Variants in LRMDA observed in about 807,000 individuals in gnomAD.
LRMDA encodes leucine rich melanocyte differentiation associated.
A neutral mutation model predicts 29.8 loss-of-function variants in LRMDA; 18 were observed. The ratio of observed to expected loss-of-function variants is 0.60; its 90% confidence interval spans 0.42 to 0.90. LRMDA has a LOEUF of 0.90. LRMDA is among the 40% of genes least tolerant of loss of function. The probability of loss-of-function intolerance (pLI) is 0.00; values close to 1 mark genes in which losing one functional copy is unlikely to be tolerated. For missense variants in LRMDA, 273 were observed against 273.9 expected (o/e 1.00, Z 0.02); for synonymous variants, 125 against 109.4 (o/e 1.14, Z -0.89).
chr10:76,061,880 A>T (rs940428238), intron 5 of LRMDA, among the ~76,000 whole-genome samples: 1 of 152,320 alleles, frequency 6.6e-6, no homozygotes. Context: ...ATTTTCAGAG[A>T]TAGGCAGTGG....
intron 2 of LRMDA, among the ~76,000 whole-genome samples, chr10:75,648,533 G>A (rs956373438): frequency 6.6e-6 from 1 of 152,088 alleles, no homozygotes; most frequent in Admixed American, 6.5e-5. Flanking sequence ...TATGGACCAC[G>A]TGGGCCTGGG....
intron 3 of LRMDA, among the ~76,000 whole-genome samples, chr10:76,043,946 C>T (rs773835878): frequency 6.6e-6 from 1 of 152,196 alleles, no homozygotes; most frequent in Non-Finnish European, 1.5e-5. Context: ...TTTCCATCTG[C>T]AGTAGAGAGG....
chr10:75,592,312 G>A (rs1479656817), intron 2 of LRMDA, among the ~76,000 whole-genome samples: 1 of 152,176 alleles, frequency 6.6e-6, no homozygotes, highest in East Asian at 1.9e-4. Context: ...TACCCTAGAC[G>A]CGTGGCGCTT....
At chr10:75,919,609 TCA>T (rs1845994336) in intron 2 of LRMDA, among the ~76,000 whole-genome samples, 3 of 152,118 alleles carry the variant, frequency 2.0e-5, no homozygotes, top group Admixed American at 2.0e-4. Flanking sequence ...CCAAGGAATC[TCA>T]GTTAGGGAGG....
At chr10:76,507,430 G>A (rs539344411) in intron 6 of LRMDA, among the ~76,000 whole-genome samples, 1 of 151,324 alleles carries the variant, frequency 6.6e-6, no homozygotes, top group African/African-American at 2.4e-5. Flanking sequence ...TTTGTTTTTT[G>A]CTATGCAAAA....
intron 6 of LRMDA, among the ~76,000 whole-genome samples, chr10:76,352,352 C>T (rs1287808673): frequency 6.6e-6 from 1 of 152,086 alleles, no homozygotes; most frequent in African/African-American, 2.4e-5. Context: ...ATTCCAGCAT[C>T]ACTACGCTTG....
chr10:75,714,756 G>A (rs551761467), intron 2 of LRMDA, among the ~76,000 whole-genome samples: 1 of 151,696 alleles, frequency 6.6e-6, no homozygotes, highest in South Asian at 2.1e-4. Context: ...TTTTAATTAT[G>A]AGGGTTACAT....
chr10:75,576,741 G>A (rs781014935), intron 2 of LRMDA, among the ~76,000 whole-genome samples: 8 of 152,176 alleles, frequency 5.3e-5, no homozygotes, highest in Non-Finnish European at 1.2e-4. Flanking sequence ...TGATACCCAG[G>A]CAAACAGGGT....
At chr10:75,810,511 T>C (rs1360825375) in intron 2 of LRMDA, among the ~76,000 whole-genome samples, 1 of 152,184 alleles carries the variant, frequency 6.6e-6, no homozygotes, top group African/African-American at 2.4e-5. Context: ...ACATCTAGAT[T>C]CTGGCTTTGA....
intron 2 of LRMDA, among the ~76,000 whole-genome samples, chr10:75,754,507 T>A (rs181885688): frequency 5.9e-5 from 9 of 152,246 alleles, no homozygotes; most frequent in Non-Finnish European, 2.9e-5. Context: ...ATCTGAAAAA[T>A]TGAATACATT....
intron 5 of LRMDA, among the ~76,000 whole-genome samples, chr10:76,223,120 G>A (rs1385159217): frequency 4.0e-5 from 6 of 151,438 alleles, no homozygotes; most frequent in African/African-American, 1.5e-4. Context: ...CTGTTGTGGG[G>A]TGGGGGGAGT....
chr10:75,589,615 T>A (rs1435260361), intron 2 of LRMDA, among the ~76,000 whole-genome samples: 1 of 152,054 alleles, frequency 6.6e-6, no homozygotes, highest in African/African-American at 2.4e-5. Flanking sequence ...AAAACAAAAA[T>A]TAGCTGTGAG....
intron 2 of LRMDA, among the ~76,000 whole-genome samples, chr10:75,467,598 A>G (rs191990947): frequency 6.6e-6 from 1 of 152,200 alleles, no homozygotes; most frequent in East Asian, 1.9e-4. Flanking sequence ...ATCTAAAGTG[A>G]TGGGTTCCTG....
At chr10:75,918,812 C>T (rs370390451) in intron 2 of LRMDA, among the ~76,000 whole-genome samples, 20 of 152,256 alleles carry the variant, frequency 1.3e-4, no homozygotes, top group South Asian at 1.0e-3. Flanking sequence ...GAACCTGCCC[C>T]ATTCTTGCCT....
Position 75,562,378 on chromosome 10 carries a change from T to G in LRMDA, c.131+123884T>G, listed in dbSNP as rs9416069. Among the ~76,000 whole-genome samples, 12 of 151,434 alleles carry G rather than the reference T, an allele frequency of 7.9e-5. No homozygotes were observed. In the East Asian group the frequency reaches 9.8e-4, roughly 12 times the overall value. ...CCCCTGCCTTTTTTTGTTTTCCATT[T>G]GCTTGGTAGATCTTCCTCCATCCTT... is the stretch of plus-strand genomic sequence containing the variant. On this transcript the variant is annotated intron_variant, in intron 2 of 6. Coordinates refer to ENST00000611255, the MANE Select transcript of LRMDA (RefSeq NM_001305581.2).
intron 2 of LRMDA, among the ~76,000 whole-genome samples, chr10:75,562,628 T>C (rs1840313706): frequency 6.6e-6 from 1 of 152,164 alleles, no homozygotes; most frequent in African/African-American, 2.4e-5. Context: ...CTAGCCTCGA[T>C]GGTCTTTACA....
chr10:75,653,728 CT>C (rs1366967181), intron 2 of LRMDA, among the ~76,000 whole-genome samples: 2 of 152,088 alleles, frequency 1.3e-5, no homozygotes, highest in African/African-American at 4.8e-5. Flanking sequence ...AGAGATTTTT[CT>C]TTAGTTTTAG....
rs1341317137 is a variant in LRMDA, at chr10:76,312,312, CTGTCATCTCCTAA to C, written c.517-12087_517-12075del. ...CTCCATATTTCCATTATGAACTGGG[CTGTCATCTCCTAA>C]TAAATTTCTTGCATTGGTATCAATT... On this transcript the variant is annotated intron_variant, in intron 5 of 6. Coordinates refer to ENST00000611255, the MANE Select transcript of LRMDA (RefSeq NM_001305581.2). 2.0e-5 allele frequency among the ~76,000 whole-genome samples: 3 copies of C among 152,094 alleles called. No homozygotes were observed. In the South Asian group the frequency reaches 6.2e-4, roughly 32 times the overall value.
chr10:75,711,875 TGTA>T (rs1298408498), intron 2 of LRMDA, among the ~76,000 whole-genome samples: 1 of 152,114 alleles, frequency 6.6e-6, no homozygotes, highest in African/African-American at 2.4e-5. Flanking sequence ...AAAATGATCA[TGTA>T]GTATGTTTCT....
Sources: gnomAD v4.1 joint callset for allele counts (sites outside exome capture counted in the v4.1 genomes callset) on GRCh38, gnomAD v4.1.1 for gene constraint, MANE v1.5 for transcripts, NCBI Gene and HGNC (gene_info 2026-07-23, HGNC 2026-07-21) for gene names.